The following BLNK variants were observed in gnomAD, a reference collection of about 807,000 sequenced individuals.
The protein encoded by BLNK is B-cell linker protein.
A neutral mutation model predicts 73.5 loss-of-function variants in BLNK; 29 were observed. The ratio of observed to expected loss-of-function variants is 0.39; its 90% CI spans 0.29 to 0.54. The LOEUF (loss-of-function observed/expected upper bound fraction) is 0.54, where lower values mean the gene tolerates loss of function less well. BLNK is among the 20% of genes least tolerant of loss of function. The pLI is 0.61. For synonymous variants in BLNK, 176 were observed against 200.8 expected (o/e 0.88, Z 1.04); for missense variants, 460 against 562.8 (o/e 0.82, Z 1.85).
At chr10:96,246,958 A>G in intron 2 of BLNK, 26 bp downstream of exon 2, 2 of 1,499,944 alleles carry the variant, frequency 1.3e-6, no homozygotes, top group Non-Finnish European at 1.8e-6. Flanking sequence ...TTATATAATT[A>G]AGTATTTAAA....
Position 96,223,284 on chromosome 10 carries a change from C to T in BLNK, c.525+542G>A, listed in dbSNP as rs375142510. The stretch of plus-strand genomic sequence containing the variant: ...AATCAGGGGAGAAGGGACAAAAGAC[C>T]CCGGAAGTGTGCTAGTGTATAAAAC... On this transcript the variant is annotated intron_variant, in intron 6 of 16. Coordinates refer to ENST00000224337, the MANE Select transcript of BLNK (RefSeq NM_013314.4). Among the ~76,000 whole-genome samples, 27 of 152,218 alleles carry T rather than the reference C, an allele frequency of 1.8e-4. No individual in the cohort carries two copies. In the South Asian group the frequency reaches 5.6e-3, roughly 32 times the overall value.
rs941897905 is a variant in BLNK at position 96,227,682 on chromosome 10, T to C, written c.205-116A>G. ...TGACAGGAGACAAGGCTTGGAGAGG[T>C]TGACTTCAAAAGGCTAGGCAGCCGA... On this transcript the variant is annotated intron_variant, in intron 4 of 16. Transcript: ENST00000224337. 1.3e-5 allele frequency: 20 copies of C among 1,525,982 alleles called. No individual in the cohort carries two copies. In the Admixed American group the frequency reaches 1.7e-4, roughly 13 times the overall value. The allele number at this position is 1,525,982 out of a possible 1,614,324, so 94.5% of individuals were successfully genotyped here. A position where few individuals can be genotyped will look rare whatever the true frequency, so the allele number is the denominator to read the frequency against.
chr10:96,231,872 G>C (rs781910084), intron 3 of BLNK, among the ~76,000 whole-genome samples: 1 of 152,200 alleles, frequency 6.6e-6, no homozygotes, highest in Non-Finnish European at 1.5e-5. Flanking sequence ...ACGGGCATGC[G>C]CTGAGCCCCC....
chr10:96,210,884 T>TTTTTTG (rs2083931837), intron 8 of BLNK, among the ~76,000 whole-genome samples: 1 of 150,366 alleles, frequency 6.7e-6, no homozygotes, highest in Non-Finnish European at 1.5e-5. Context: ...TTTTTTTTTT[T>TTTTTTG]TTGAGACAGG....
intron 10 of BLNK, 102 bp from the exon 11 acceptor site, chr10:96,207,155 T>C: frequency 9.7e-7 from 1 of 1,028,316 alleles, no homozygotes; most frequent in Non-Finnish European, 1.5e-6. Context: ...GCACTTTTCT[T>C]TGATGCATTG....
intron 11 of BLNK, 36 bp downstream of exon 11, chr10:96,206,975 G>C (rs1554897542): frequency 1.9e-6 from 3 of 1,598,986 alleles, no homozygotes. Context: ...ATAACTTTTA[G>C]AGGACATGCT....
chr10:96,256,407 T>TA (rs1554911151), intron 1 of BLNK, among the ~76,000 whole-genome samples: 4 of 152,280 alleles, frequency 2.6e-5, no homozygotes, highest in South Asian at 2.1e-4. Context: ...AATTTAAAAA[T>TA]AAAAAAATTA....
chr10:96,215,276 T>C (rs2084037384), intron 8 of BLNK, 45 bp downstream of exon 8: 1 of 1,558,734 alleles, frequency 6.4e-7, no homozygotes, highest in Non-Finnish European at 8.9e-7. Flanking sequence ...GTTTTTCTTA[T>C]TTGAAATAGA....
chr10:96,208,572 A>G (rs73320997), intron 9 of BLNK, among the ~76,000 whole-genome samples: 3,596 of 152,296 alleles, frequency 0.024, 138 homozygotes, highest in African/African-American at 0.08. Flanking sequence ...GTCTTGTGGA[A>G]CACTGTAAGT....
chr10:96,247,531 A>G (rs1481096988), intron 1 of BLNK, among the ~76,000 whole-genome samples: 1 of 152,200 alleles, frequency 6.6e-6, no homozygotes, highest in Admixed American at 6.5e-5. Flanking sequence ...CTTCTGTAGA[A>G]CAAAAAGTAA....
intron 1 of BLNK, among the ~76,000 whole-genome samples, chr10:96,266,823 A>G (rs149236981): frequency 3.3e-5 from 5 of 152,290 alleles, no homozygotes; most frequent in Non-Finnish European, 7.4e-5. Flanking sequence ...AGCAAATGCC[A>G]CTCAGCTTGG....
In BLNK at chr10:96,230,846, G is replaced by A; in HGVS notation, c.164-12C>T. The stretch of plus-strand genomic sequence containing the variant: ...GTCAGCAGGGCTCTCTGCAACAGCA[G>A]GGGAGAAGCAGAAGGCACAAGTGTG... On this transcript the variant is annotated splice_polypyrimidine_tract_variant and intron_variant, in intron 3 of 16. Transcript: ENST00000224337. 6.2e-7 allele frequency: 1 copy of A among 1,610,560 alleles called. No individual in the cohort carries two copies. Among genetic ancestry groups the A allele is most frequent in the East Asian group, 2.2e-5 (1 of 44,832 alleles).
chr10:96,199,361 G>T (rs2083564887), intron 15 of BLNK: 7 of 216,268 alleles, frequency 3.2e-5, no homozygotes, highest in Middle Eastern at 5.0e-4. Flanking sequence ...GGTATTTTTT[G>T]TTTGTTTGTT....
At chr10:96,267,249 A>C (rs1355383283) in intron 1 of BLNK, among the ~76,000 whole-genome samples, 1 of 152,218 alleles carries the variant, frequency 6.6e-6, no homozygotes, top group East Asian at 1.9e-4. Flanking sequence ...CATAGGGGAC[A>C]TGGGGGAGCT....
intron 5 of BLNK, among the ~76,000 whole-genome samples, chr10:96,225,538 C>T (rs1842215430): frequency 6.6e-6 from 1 of 152,170 alleles, no homozygotes; most frequent in Non-Finnish European, 1.5e-5. Context: ...GTTTTATTTG[C>T]AGCTCCTGGA....
At chr10:96,196,294 G>A (rs1331650777) in intron 16 of BLNK, among the ~76,000 whole-genome samples, 1 of 152,112 alleles carries the variant, frequency 6.6e-6, no homozygotes. Flanking sequence ...GGTTACTCCA[G>A]CTCATATTTC....
At chr10:96,194,768 A>ATTTTTTTTTTTCTTTTTTT (rs2083416568) in intron 16 of BLNK, among the ~76,000 whole-genome samples, 1 of 110,286 alleles carries the variant, frequency 9.1e-6, no homozygotes, top group Non-Finnish European at 1.8e-5. Flanking sequence ...AGAAATGCAA[A>ATTTTTTTTTTTCTTTTTTT]TTTTTTTTTT....
intron 1 of BLNK, among the ~76,000 whole-genome samples, chr10:96,252,550 C>T (rs996662770): frequency 6.6e-6 from 1 of 152,162 alleles, no homozygotes; most frequent in Non-Finnish European, 1.5e-5. Context: ...ATTGGGTGGT[C>T]AATTGGAAGC....
intron 6 of BLNK, 130 bp from the exon 7 acceptor site, chr10:96,216,864 T>C: frequency 1.2e-6 from 1 of 800,784 alleles, no homozygotes; most frequent in Admixed American, 2.0e-5. Context: ...CTATGTAAAT[T>C]GTACAATTTG....
Sources: gnomAD v4.1 joint callset for allele counts (sites outside exome capture counted in the v4.1 genomes callset) on GRCh38, gnomAD v4.1.1 for gene constraint, MANE v1.5 for transcripts, NCBI Gene and HGNC (gene_info 2026-07-23, HGNC 2026-07-21) for gene names.